Variants in SEMA5B observed in about 807,000 individuals in gnomAD.
The protein encoded by SEMA5B is semaphorin 5B, also known as semaphorin-5B.
In SEMA5B, 66 loss-of-function variants were observed where a neutral mutation model predicts 135.0. The ratio of observed to expected loss-of-function variants is 0.49; its 90% confidence interval spans 0.40 to 0.60. The LOEUF is 0.60. Ranked by LOEUF, SEMA5B falls within the 20% of genes least tolerant of loss-of-function variation. The pLI, the probability that SEMA5B is intolerant of heterozygous loss-of-function variation, is 0.00. For synonymous variants in SEMA5B, 690 were observed against 639.5 expected, an observed-to-expected ratio of 1.08 and a Z score of -1.19; for missense variants, 1,501 against 1,566.3, an observed-to-expected ratio of 0.96 and a Z score of 0.70.
chr3:122,929,137 G>T, intron 5 of SEMA5B, 79 bp from the exon 6 acceptor site: 7 of 1,403,342 alleles, frequency 5.0e-6, no homozygotes, highest in Non-Finnish European at 6.9e-6. Context: ...GCAGGCAGCA[G>T]CCAGTGTCGG....
intron 4 of SEMA5B, among the ~76,000 whole-genome samples, chr3:122,940,768 G>T (rs1210978385): frequency 1.3e-5 from 2 of 152,132 alleles, no homozygotes; most frequent in African/African-American, 4.8e-5. Flanking sequence ...CCTCCCAGGT[G>T]ACCTTGGCTC....
In SEMA5B at chr3:122,912,317, G is replaced by A. The variant is rs773894355; in HGVS notation, c.2751C>T (p.Thr917=). The stretch of plus-strand genomic sequence containing the variant: ...AGGAAGCTGAGCATGGAGACCATGA[G>A]GTCCAGCAGGACCAAGCACCCCGAA... ...CPVRGAWSCW[T]SWSPCSASCG... is the part of the protein sequence containing the mutation. The change falls in exon 19 of 23, where the codon ACC becomes ACT. Residue 917 remains threonine (T), a synonymous_variant. Coordinates refer to ENST00000357599, the MANE Select transcript of SEMA5B (RefSeq NM_001031702.4). The A allele has an allele frequency of 3.4e-5, 55 of 1,607,604 alleles. No individual in the cohort carries two copies. The highest frequency in any genetic ancestry group is 4.3e-5 in the Non-Finnish European group (51 of 1,177,084).
At position 122,978,751 on chromosome 3, in the gene SEMA5B, C is replaced by T. The variant is rs772273736; in HGVS notation, c.-38-17450G>A. ...AGAGGCATTCATCCTCAGGGCCTTGCGTGATGGGGAGTAAATAGGTGCTCA... is the reference window on the plus strand; with the variant it reads ...AGAGGCATTCATCCTCAGGGCCTTGTGTGATGGGGAGTAAATAGGTGCTCA... On this transcript the variant is annotated intron_variant, in intron 1 of 22. Transcript: ENST00000357599. Among the ~76,000 whole-genome samples the T allele has an allele frequency of 7.2e-5, 11 of 152,170 alleles. No individual in the cohort carries two copies. The East Asian group carries it at 1.2e-3, about 16-fold the overall frequency.
intron 2 of SEMA5B, among the ~76,000 whole-genome samples, chr3:122,958,476 T>A (rs1940432469): frequency 6.6e-6 from 1 of 152,126 alleles, no homozygotes; most frequent in Non-Finnish European, 1.5e-5. Flanking sequence ...CCACCGAGTA[T>A]GGTGGCCCAC....
chr3:122,967,975 G>A (rs1328559673), intron 1 of SEMA5B, among the ~76,000 whole-genome samples: 7 of 152,224 alleles, frequency 4.6e-5, no homozygotes, highest in East Asian at 3.8e-4. Flanking sequence ...CCCTCAGCCC[G>A]CCCAAGGACT....
chr3:122,929,922 A>C (rs1203358087), intron 5 of SEMA5B, among the ~76,000 whole-genome samples: 1 of 152,158 alleles, frequency 6.6e-6, no homozygotes, highest in Non-Finnish European at 1.5e-5. Context: ...TCTGAACAGC[A>C]GCTGAAGGGA....
chr3:122,981,948 G>A (rs1049786737), intron 1 of SEMA5B, among the ~76,000 whole-genome samples: 1 of 152,206 alleles, frequency 6.6e-6, no homozygotes, highest in Non-Finnish European at 1.5e-5. Flanking sequence ...ACCATGGCAG[G>A]TCATCAGCCC....
intron 1 of SEMA5B, among the ~76,000 whole-genome samples, chr3:123,004,470 G>C (rs946378602): frequency 6.6e-6 from 1 of 152,148 alleles, no homozygotes; most frequent in Non-Finnish European, 1.5e-5. Context: ...CCAAGAAAAG[G>C]TTACATTTAT....
intron 14 of SEMA5B, 123 bp from the exon 15 acceptor site, chr3:122,914,124 A>G (rs1937936994): frequency 2.7e-6 from 3 of 1,100,966 alleles, no homozygotes; most frequent in Non-Finnish European, 3.7e-6. Context: ...TGACATAGAA[A>G]TATCTTCTCC....
rs766999019 is a variant in SEMA5B, at chr3:122,915,592, G to A, written c.1836C>T (p.Phe612=). Residue 612 remains phenylalanine (F), a synonymous_variant, in exon 14 of 23, where the codon TTC becomes TTT. Transcript: ENST00000357599. ...ATGGTTGCCATGGTGACCATGGGCCGAAGCCCCCATCCCGTGTCACATTCC... is the reference window on the plus strand; with the variant it reads ...ATGGTTGCCATGGTGACCATGGGCCAAAGCCCCCATCCCGTGTCACATTCC... The part of the protein sequence containing the change: ...PVRNVTRDGG[F]GPWSPWQPCE... 2.5e-5 allele frequency: 40 copies of A among 1,613,266 alleles called. No homozygotes were observed. The highest frequency in any genetic ancestry group is 1.6e-4 in the Middle Eastern group (1 of 6,074).
Position 122,939,441 on chromosome 3 carries a change from T to C in SEMA5B, c.458A>G (p.Asn153Ser), listed in dbSNP as rs760723579. The change falls in exon 5 of 23, where the codon AAT (asparagine) becomes AGT (serine). Residue 153 changes from asparagine to serine, a missense_variant. Coordinates refer to ENST00000357599, the MANE Select transcript of SEMA5B (RefSeq NM_001031702.4). Reference protein sequence around the residue: ...RNYLFRLSLANVSLLQATEWA... With the variant: ...RNYLFRLSLASVSLLQATEWA... ...CAATCGTACCTGAAGAAGAGAGACA[T>C]TGGCAAGGCTGAGTCTGAAGAGGTA... 1.2e-6 allele frequency: 2 copies of C among 1,612,310 alleles called. No homozygotes were observed. Among genetic ancestry groups the C allele is most frequent in the Middle Eastern group, 1.6e-4 (1 of 6,062 alleles).
chr3:122,996,886 C>T (rs1308131056), intron 1 of SEMA5B, among the ~76,000 whole-genome samples: 3 of 152,182 alleles, frequency 2.0e-5, no homozygotes, highest in African/African-American at 7.2e-5. Flanking sequence ...CAGGGAGCCC[C>T]TGGTTTCTGT....
At chr3:122,934,370 C>A (rs769323866) in intron 5 of SEMA5B, among the ~76,000 whole-genome samples, 14 of 152,184 alleles carry the variant, frequency 9.2e-5, no homozygotes, top group Non-Finnish European at 1.9e-4. Flanking sequence ...ATGAAGTAAT[C>A]TTGCCAGAAT....
chr3:122,973,368 T>C (rs935179922), intron 1 of SEMA5B, among the ~76,000 whole-genome samples: 3 of 152,208 alleles, frequency 2.0e-5, no homozygotes, highest in East Asian at 1.9e-4. Context: ...GCCTCTGCCA[T>C]GTGACCAGCC....
At chr3:122,997,368 A>G (rs1457625707) in intron 1 of SEMA5B, among the ~76,000 whole-genome samples, 1 of 151,354 alleles carries the variant, frequency 6.6e-6, no homozygotes, top group Admixed American at 6.6e-5. Flanking sequence ...TCCTTCTTGC[A>G]TCTCCTCTCA....
intron 1 of SEMA5B, among the ~76,000 whole-genome samples, chr3:123,011,850 G>A (rs1402207438): frequency 6.6e-6 from 1 of 152,174 alleles, no homozygotes; most frequent in Non-Finnish European, 1.5e-5. Context: ...CCAGGACACA[G>A]AATGAGCCAG....
chr3:122,923,127 C>T (rs573901642), intron 10 of SEMA5B, among the ~76,000 whole-genome samples: 1 of 152,316 alleles, frequency 6.6e-6, no homozygotes, highest in South Asian at 2.1e-4. Flanking sequence ...CAGCAGCCTC[C>T]TCTGCCCCCT....
chr3:122,963,314 T>C (rs149774600), intron 1 of SEMA5B, among the ~76,000 whole-genome samples: 66 of 152,136 alleles, frequency 4.3e-4, no homozygotes, highest in African/African-American at 1.6e-3. Flanking sequence ...CTGACTAACA[T>C]GGTGAAACCC....
intron 3 of SEMA5B, among the ~76,000 whole-genome samples, chr3:122,943,826 A>G (rs1005441418): frequency 6.6e-6 from 1 of 152,162 alleles, no homozygotes; most frequent in Non-Finnish European, 1.5e-5. Flanking sequence ...CACTAGCCAC[A>G]TAAGTACACA....
Sources: gnomAD v4.1 joint callset for allele counts (sites outside exome capture counted in the v4.1 genomes callset) on GRCh38, gnomAD v4.1.1 for gene constraint, MANE v1.5 for transcripts, NCBI Gene and HGNC (gene_info 2026-07-23, HGNC 2026-07-21) for gene names.